SOS2: variants seen among roughly 807,000 people sequenced by gnomAD.
The protein encoded by SOS2 is SOS Ras/Rho guanine nucleotide exchange factor 2.
SOS2 carries 65 observed loss-of-function variants against 148.2 expected under a neutral mutation model. The observed-to-expected ratio is 0.44, with a 90% CI of 0.36 to 0.54. SOS2 has a LOEUF of 0.54. Ranked by LOEUF, SOS2 falls within the 20% of genes least tolerant of loss-of-function variation. The probability of loss-of-function intolerance (pLI) is 0.00; values close to 1 mark genes in which losing one functional copy is unlikely to be tolerated. For missense variants in SOS2, 1,341 were observed against 1,590.2 expected (o/e 0.84, Z 2.67); for synonymous variants, 539 against 537.1 (o/e 1.00, Z -0.05).
chr14:50,182,364 T>C, intron 6 of SOS2, 99 bp downstream of exon 6: 3 of 1,074,722 alleles, frequency 2.8e-6, no homozygotes, highest in Middle Eastern at 2.3e-4. Flanking sequence ...TACTTTTTTA[T>C]GGAAACGGGG....
At chr14:50,149,429 T>C (rs1016629147) in intron 14 of SOS2, among the ~76,000 whole-genome samples, 1 of 151,666 alleles carries the variant, frequency 6.6e-6, no homozygotes, top group Non-Finnish European at 1.5e-5. Context: ...TTCCCACTCA[T>C]ATATGAAAAC....
At chr14:50,220,575 T>C (rs564980995) in intron 1 of SOS2, among the ~76,000 whole-genome samples, 6 of 152,222 alleles carry the variant, frequency 3.9e-5, no homozygotes, top group Middle Eastern at 3.4e-3. Context: ...GAAATGTATC[T>C]GGAGACCTGG....
At chr14:50,164,732 G>C (rs2139647131) in intron 8 of SOS2, among the ~76,000 whole-genome samples, 1 of 152,230 alleles carries the variant, frequency 6.6e-6, no homozygotes, top group Middle Eastern at 3.4e-3. Flanking sequence ...CTACACAACA[G>C]TCTCTGACCT....
chr14:50,169,986 C>CTCCAGT (rs1347851785), intron 8 of SOS2, among the ~76,000 whole-genome samples: 24 of 152,086 alleles, frequency 1.6e-4, no homozygotes, highest in African/African-American at 5.3e-4. Flanking sequence ...AGTGTACTGA[C>CTCCAGT]GTAAACATGG....
chr14:50,125,715 C>T (rs1408448856), intron 21 of SOS2, among the ~76,000 whole-genome samples: 4 of 152,148 alleles, frequency 2.6e-5, no homozygotes, highest in Non-Finnish European at 5.9e-5. Flanking sequence ...GACATGAAAA[C>T]AGAAGACTTG....
rs1488509967 is a variant in SOS2 at position 50,136,130 on chromosome 14, C to A, written c.2959-1891G>T. On this transcript the variant is annotated intron_variant, in intron 18 of 22. Coordinates refer to ENST00000216373, the MANE Select transcript of SOS2 (RefSeq NM_006939.4). The stretch of plus-strand genomic sequence containing the variant: ...TTTAACAATACTGAAACAATGTGTT[C>A]TTATGTTCAGGTTAGCTAAATTAAA... Among the ~76,000 whole-genome samples, 14 of 152,128 alleles carry A rather than the reference C, an allele frequency of 9.2e-5. 2 individuals carry two copies. The highest frequency in any genetic ancestry group is 9.2e-4 in the Admixed American group (14 of 15,268).
intron 4 of SOS2, among the ~76,000 whole-genome samples, chr14:50,196,668 A>G (rs757236557): frequency 6.6e-6 from 1 of 152,194 alleles, no homozygotes; most frequent in Non-Finnish European, 1.5e-5. Context: ...ATAAATGTTA[A>G]TCAGCTTGAT....
intron 12 of SOS2, among the ~76,000 whole-genome samples, chr14:50,154,808 G>A (rs1331335905): frequency 6.6e-6 from 1 of 152,138 alleles, no homozygotes; most frequent in East Asian, 1.9e-4. Flanking sequence ...CTGATGAGAA[G>A]GAACATAAGG....
intron 4 of SOS2, among the ~76,000 whole-genome samples, chr14:50,189,871 C>CAA (rs1231422977): frequency 6.9e-6 from 1 of 145,028 alleles, no homozygotes; most frequent in African/African-American, 2.5e-5. Flanking sequence ...TTTTGTGAGA[C>CAA]ACAGTCTTGC....
intron 14 of SOS2, among the ~76,000 whole-genome samples, chr14:50,146,786 C>T (rs900624474): frequency 6.6e-6 from 1 of 152,184 alleles, no homozygotes; most frequent in Non-Finnish European, 1.5e-5. Context: ...GAACACTACA[C>T]AGCATCTAAA....
intron 4 of SOS2, among the ~76,000 whole-genome samples, chr14:50,198,312 G>A (rs1886377689): frequency 6.8e-6 from 1 of 148,142 alleles, no homozygotes; most frequent in Non-Finnish European, 1.5e-5. Context: ...ACTTTTTGTT[G>A]TACTTCCAAC....
chr14:50,229,475 G>A (rs1436760856), intron 1 of SOS2, among the ~76,000 whole-genome samples: 2 of 149,890 alleles, frequency 1.3e-5, no homozygotes, highest in Non-Finnish European at 3.0e-5. Flanking sequence ...AGGATTGGAT[G>A]CTAATCTTGG....
chr14:50,219,425 G>C (rs147483998), intron 1 of SOS2, among the ~76,000 whole-genome samples: 8 of 152,098 alleles, frequency 5.3e-5, no homozygotes, highest in Non-Finnish European at 1.2e-4. Context: ...AAAAAAAAGA[G>C]TATGTACTGT....
intron 1 of SOS2, among the ~76,000 whole-genome samples, chr14:50,209,947 A>G (rs949227758): frequency 6.6e-6 from 1 of 152,220 alleles, no homozygotes; most frequent in Non-Finnish European, 1.5e-5. Context: ...AATTCTCTCA[A>G]AATTGATACA....
At chr14:50,149,877 C>T (rs1884607162) in intron 14 of SOS2, 131 bp downstream of exon 14, 2 of 676,854 alleles carry the variant, frequency 3.0e-6, no homozygotes, top group Non-Finnish European at 2.6e-6. Flanking sequence ...TGTGCTATGA[C>T]CTTTCCTCTA....
chr14:50,160,587 A>C (rs942821173), intron 9 of SOS2, among the ~76,000 whole-genome samples: 1 of 151,878 alleles, frequency 6.6e-6, no homozygotes, highest in Admixed American at 6.6e-5. Flanking sequence ...GGGTTTCACC[A>C]TGTTGGCCAG....
chr14:50,130,491 A>G lies in SOS2; in HGVS notation c.3337+10T>C, dbSNP rs1883833372. Reference sequence around the variant, plus strand: ...CCTTTTTTACCAAGCGGTTTACATCAAATACTTACCACAGGAGCTGTTGAG... The same window carrying G: ...CCTTTTTTACCAAGCGGTTTACATCGAATACTTACCACAGGAGCTGTTGAG... On this transcript the variant is annotated intron_variant, in intron 20 of 22. Transcript: ENST00000216373. The G allele has an allele frequency of 6.2e-7, 1 of 1,610,888 alleles. No homozygotes were observed. Among genetic ancestry groups the G allele is most frequent in the Non-Finnish European group, 8.5e-7 (1 of 1,178,382 alleles).
intron 4 of SOS2, among the ~76,000 whole-genome samples, chr14:50,189,331 C>CAAAAAAGAAAAAAAAAAATAAA (rs1886040243): frequency 3.2e-5 from 1 of 31,486 alleles, no homozygotes; most frequent in Non-Finnish European, 6.6e-5. Flanking sequence ...CACATAATAG[C>CAAAAAAGAAAAAAAAAAATAAA]AAAAAAAAAA....
intron 16 of SOS2, among the ~76,000 whole-genome samples, chr14:50,143,234 A>G (rs1175219244): frequency 6.6e-6 from 1 of 151,736 alleles, no homozygotes; most frequent in Non-Finnish European, 1.5e-5. Flanking sequence ...CTGGGACAGG[A>G]CGATCCCTTG....
Sources: gnomAD v4.1 joint callset for allele counts (sites outside exome capture counted in the v4.1 genomes callset) on GRCh38, gnomAD v4.1.1 for gene constraint, MANE v1.5 for transcripts, NCBI Gene and HGNC (gene_info 2026-07-23, HGNC 2026-07-21) for gene names.